Variants in MOCOS observed in about 807,000 individuals in gnomAD.
MOCOS encodes the protein human molybdenum cofactor sulfurase.
MOCOS carries 86 observed loss-of-function variants against 83.6 expected under a neutral mutation model. The observed-to-expected ratio is 1.03, with a 90% CI of 0.86 to 1.23. MOCOS has a LOEUF of 1.23. Among genes scored for constraint, MOCOS ranks in the 50% most tolerant of loss-of-function variants. The probability of loss-of-function intolerance (pLI) is 0.00; values close to 1 mark genes in which losing one functional copy is unlikely to be tolerated. For missense variants in MOCOS, 1,120 were observed against 1,126.9 expected, an observed-to-expected ratio of 0.99 and a Z score of 0.09; for synonymous variants, 445 against 434.7, an observed-to-expected ratio of 1.02 and a Z score of -0.29.
chr18:36,256,544 G>A (rs2091642402), intron 11 of MOCOS, among the ~76,000 whole-genome samples: 4 of 151,656 alleles, frequency 2.6e-5, no homozygotes. Context: ...CTGCCTCATG[G>A]GTTCAAGTGA....
At chr18:36,197,355 A>G (rs765194226) in intron 2 of MOCOS, among the ~76,000 whole-genome samples, 1 of 152,192 alleles carries the variant, frequency 6.6e-6, no homozygotes, top group Non-Finnish European at 1.5e-5. Flanking sequence ...TGTCTGGAAC[A>G]TGTAGAACAG....
intron 5 of MOCOS, among the ~76,000 whole-genome samples, chr18:36,204,502 T>A (rs1164224784): frequency 6.6e-6 from 1 of 152,128 alleles, no homozygotes; most frequent in East Asian, 1.9e-4. Context: ...TACCAAAGGG[T>A]CTAAATATCT....
chr18:36,204,598 A>G (rs776991873), intron 5 of MOCOS, among the ~76,000 whole-genome samples: 10 of 152,194 alleles, frequency 6.6e-5, no homozygotes, highest in Non-Finnish European at 1.0e-4. Flanking sequence ...GAAGACCTAA[A>G]CATTTGTCAC....
At chr18:36,201,526 G>T (rs1443611551) in intron 4 of MOCOS, among the ~76,000 whole-genome samples, 2 of 151,900 alleles carry the variant, frequency 1.3e-5, no homozygotes, top group East Asian at 1.9e-4. Context: ...GCTGAGTGTG[G>T]TGGTGGGTGC....
intron 6 of MOCOS, among the ~76,000 whole-genome samples, chr18:36,210,841 A>T (rs2091452097): frequency 7.7e-6 from 1 of 129,324 alleles, no homozygotes; most frequent in African/African-American, 3.0e-5. Context: ...ACAGAGCAAG[A>T]CTCTGTCTCA....
intron 9 of MOCOS, among the ~76,000 whole-genome samples, chr18:36,242,786 C>T (rs964693648): frequency 1.3e-5 from 2 of 152,264 alleles, no homozygotes; most frequent in Non-Finnish European, 2.9e-5. Context: ...CTCATGAGAA[C>T]TCACTGTCAT....
intron 9 of MOCOS, among the ~76,000 whole-genome samples, chr18:36,243,415 T>A (rs1450948993): frequency 6.6e-6 from 1 of 152,238 alleles, no homozygotes; most frequent in Non-Finnish European, 1.5e-5. Context: ...ATATCACATT[T>A]ATTGACTTGT....
intron 9 of MOCOS, among the ~76,000 whole-genome samples, chr18:36,237,742 G>C (rs1289785687): frequency 1.3e-5 from 2 of 151,680 alleles, no homozygotes; most frequent in Non-Finnish European, 2.9e-5. Context: ...GTAGAATTCG[G>C]CTGTGAATCC....
At chr18:36,189,595 G>A (rs1159887021) in intron 1 of MOCOS, among the ~76,000 whole-genome samples, 4 of 152,210 alleles carry the variant, frequency 2.6e-5, no homozygotes, top group South Asian at 4.1e-4. Flanking sequence ...GTGCTGAAAT[G>A]TGTTACCTAA....
At chr18:36,210,056 G>A (rs1352606941) in intron 6 of MOCOS, among the ~76,000 whole-genome samples, 1 of 152,038 alleles carries the variant, frequency 6.6e-6, no homozygotes, top group Non-Finnish European at 1.5e-5. Context: ...TTTTGTTGAG[G>A]ATTTTTGTGT....
At chr18:36,188,016 G>C (rs1477769548) in intron 1 of MOCOS, among the ~76,000 whole-genome samples, 3 of 152,210 alleles carry the variant, frequency 2.0e-5, no homozygotes, top group African/African-American at 7.2e-5. Context: ...GCTGGGGCCG[G>C]GGTTGCAAAA....
chr18:36,187,749 C>T, intron 1 of MOCOS, 68 bp downstream of exon 1: 1 of 1,240,224 alleles, frequency 8.1e-7, no homozygotes, highest in African/African-American at 1.5e-5. Context: ...TCTTTTGCTC[C>T]TAGTGAGAGC....
chr18:36,257,961 T>C (rs1291092663), intron 12 of MOCOS, among the ~76,000 whole-genome samples: 1 of 152,224 alleles, frequency 6.6e-6, no homozygotes, highest in Non-Finnish European at 1.5e-5. Flanking sequence ...TTTCTATCCA[T>C]TGTTGAAAAT....
At chr18:36,250,541 G>A (rs560960887) in intron 10 of MOCOS, among the ~76,000 whole-genome samples, 1 of 152,258 alleles carries the variant, frequency 6.6e-6, no homozygotes, top group South Asian at 2.1e-4. Context: ...AGGATGCCTT[G>A]GAGGCTAAAG....
rs1225621001 is a variant in MOCOS, at chr18:36,199,984, C to G, written c.601C>G (p.Pro201Ala). The G allele has an allele frequency of 6.2e-7, 1 of 1,614,240 alleles. No individual in the cohort carries two copies. Among genetic ancestry groups the G allele is most frequent in the South Asian group, 1.1e-5 (1 of 91,086 alleles). ...DCQLPHLFCYPAQSNFSGVRY... is the reference protein window; with the variant it reads ...DCQLPHLFCYAAQSNFSGVRY... ...CCAGCTGCCGCATCTCTTCTGCTAC[C>G]CAGCTCAGAGTAACTTTTCTGGAGT... is the stretch of plus-strand genomic sequence containing the variant. Residue 201 changes from proline to alanine, a missense_variant, in exon 4 of 15, where the codon CCA becomes GCA. Coordinates refer to ENST00000261326, the MANE Select transcript of MOCOS (RefSeq NM_017947.4).
At chr18:36,201,095 G>A (rs117890315) in intron 4 of MOCOS, among the ~76,000 whole-genome samples, 2 of 152,326 alleles carry the variant, frequency 1.3e-5, no homozygotes, top group Non-Finnish European at 2.9e-5. Flanking sequence ...GTTCTGCTGG[G>A]TCAACAGTGG....
intron 9 of MOCOS, among the ~76,000 whole-genome samples, chr18:36,226,014 T>C (rs2091514027): frequency 6.6e-6 from 1 of 152,054 alleles, no homozygotes; most frequent in South Asian, 2.1e-4. Context: ...GAAGAATGTG[T>C]ATTCTTCTGC....
At chr18:36,193,315 C>CA (rs2091373694) in intron 1 of MOCOS, among the ~76,000 whole-genome samples, 1 of 19,636 alleles carries the variant, frequency 5.1e-5, no homozygotes, top group Non-Finnish European at 8.5e-5. Flanking sequence ...GAGACTCCGT[C>CA]TCAAAAAAAA....
chr18:36,224,720 T>C (rs990422323), intron 9 of MOCOS, among the ~76,000 whole-genome samples: 1 of 152,224 alleles, frequency 6.6e-6, no homozygotes, highest in Non-Finnish European at 1.5e-5. Context: ...GTCAGGGATA[T>C]TGGCCTGCAG....
Sources: allele counts gnomAD v4.1 joint callset (sites outside exome capture counted in the v4.1 genomes callset), GRCh38; gene constraint gnomAD v4.1.1; transcripts MANE v1.5; gene names NCBI Gene and HGNC (gene_info 2026-07-23, HGNC 2026-07-21).